Variants in AGAP1 observed in about 807,000 individuals in gnomAD.
AGAP1 encodes the protein arf-GAP with GTPase, ANK repeat and PH domain-containing protein 1.
In AGAP1, 29 loss-of-function variants were observed where a neutral mutation model predicts 105.3. The ratio of observed to expected loss-of-function variants is 0.28; its 90% CI spans 0.21 to 0.38. The LOEUF (loss-of-function observed/expected upper bound fraction) is 0.38. Among genes scored for constraint, AGAP1 ranks in the 10% least tolerant of loss-of-function variants. The pLI, the probability that AGAP1 is intolerant of heterozygous loss-of-function variation, is 1.00. For synonymous variants in AGAP1, 509 were observed against 485.9 expected (o/e 1.05, Z -0.63); for missense variants, 998 against 1,165.1 (o/e 0.86, Z 2.09).
At chr2:235,678,861 T>TGCCA (rs1346131676) in intron 1 of AGAP1, among the ~76,000 whole-genome samples, 1 of 152,106 alleles carries the variant, frequency 6.6e-6, no homozygotes, top group East Asian at 1.9e-4. Context: ...CTCTCCTGCC[T>TGCCA]GCCAGCCCCA....
At chr2:235,698,128 A>G (rs1950081375) in intron 1 of AGAP1, among the ~76,000 whole-genome samples, 1 of 152,154 alleles carries the variant, frequency 6.6e-6, no homozygotes. Flanking sequence ...TAAAGAGCAC[A>G]CATCCTAGAT....
intron 1 of AGAP1, among the ~76,000 whole-genome samples, chr2:235,656,887 T>C (rs1947791540): frequency 6.6e-6 from 1 of 152,214 alleles, no homozygotes. Flanking sequence ...AGGAGAGGCA[T>C]CCTATTCGGT....
At chr2:235,869,323 G>A (rs1002117613) in intron 9 of AGAP1, among the ~76,000 whole-genome samples, 1 of 145,966 alleles carries the variant, frequency 6.9e-6, no homozygotes, top group Non-Finnish European at 1.5e-5. Flanking sequence ...GGTGGCTCAC[G>A]CCTGTAATCC....
intron 1 of AGAP1, among the ~76,000 whole-genome samples, chr2:235,656,910 G>A (rs1446857511): frequency 6.6e-6 from 1 of 152,136 alleles, no homozygotes; most frequent in Non-Finnish European, 1.5e-5. Flanking sequence ...TGCACTAGGG[G>A]TCCCCACTGA....
At chr2:235,683,202 G>A (rs539054485) in intron 1 of AGAP1, among the ~76,000 whole-genome samples, 7,611 of 152,030 alleles carry the variant, frequency 0.05, 573 homozygotes, top group African/African-American at 0.17. Context: ...AGCTACTGGG[G>A]GGCTGAGGCA....
At chr2:235,685,519 C>T (rs1431110899) in intron 1 of AGAP1, among the ~76,000 whole-genome samples, 1 of 151,476 alleles carries the variant, frequency 6.6e-6, no homozygotes, top group Non-Finnish European at 1.5e-5. Context: ...TCCCCTGGGA[C>T]CTGACCAGTA....
chr2:235,609,456 A>C lies in AGAP1; in HGVS notation c.164-99723A>C, dbSNP rs545167540. 5.3e-5 allele frequency among the ~76,000 whole-genome samples: 8 copies of C among 152,236 alleles called. No individual in the cohort carries two copies. The South Asian group carries it at 1.7e-3, about 32-fold the overall frequency. On this transcript the variant is annotated intron_variant, in intron 1 of 17. Coordinates refer to ENST00000304032, the MANE Select transcript of AGAP1 (RefSeq NM_001037131.3). The surrounding 1 kb of genome is among the most constrained non-coding windows in gnomAD (Gnocchi z 5.1). ...CGATCATTCGAGATTCCAAGAGGTA[A>C]GAACTGGGGGCTGGGCTGTGGAAGA...
In AGAP1 at chr2:235,569,314, C is replaced by T. The variant is rs1944444894; in HGVS notation, c.163+74465C>T. Among the ~76,000 whole-genome samples the T allele has an allele frequency of 6.6e-6, 1 of 151,612 alleles. No individual in the cohort carries two copies. Among genetic ancestry groups the T allele is most frequent in the Admixed American group, 6.6e-5 (1 of 15,226 alleles). On this transcript the variant is annotated intron_variant, in intron 1 of 17. Transcript: ENST00000304032. This position sits in a 1 kb window ranked among gnomAD's most constrained non-coding sequence, Gnocchi z 5.9. Reference sequence around the variant, plus strand: ...TGGGCGACAGAGCGAGACACCATCTCAAAAAAAAGGATCTTGGAGGAAGTA... The same window carrying T: ...TGGGCGACAGAGCGAGACACCATCTTAAAAAAAAGGATCTTGGAGGAAGTA...
In AGAP1 at chr2:235,959,720, G is replaced by A. The variant is rs1039032427; in HGVS notation, c.1484-8742G>A. On this transcript the variant is annotated intron_variant, in intron 12 of 17. Transcript: ENST00000304032. The surrounding 1 kb of genome is among the most constrained non-coding windows in gnomAD (Gnocchi z 7.3). ...TGATGGCCACTCCCTCGTGTAGCCG[G>A]TTCCCCTGCTGCTGCAGCCGGGCCC... Among the ~76,000 whole-genome samples the A allele has an allele frequency of 6.6e-5, 10 of 152,226 alleles. No individual in the cohort carries two copies. Among genetic ancestry groups the A allele is most frequent in the African/African-American group, 2.2e-4 (9 of 41,534 alleles).
In AGAP1 at chr2:235,967,652, G is replaced by C. The variant is rs144537116; in HGVS notation, c.1484-810G>C. On this transcript the variant is annotated intron_variant, in intron 12 of 17. Transcript: ENST00000304032. The surrounding 1 kb of genome is among the most constrained non-coding windows in gnomAD (Gnocchi z 4.7). Reference sequence around the variant, plus strand: ...TCGTGAAATAAAAACTTTTCAAGACGCCGTAGGCATGCACCACCTGTTTTT... The same window carrying C: ...TCGTGAAATAAAAACTTTTCAAGACCCCGTAGGCATGCACCACCTGTTTTT... 2.0e-5 allele frequency among the ~76,000 whole-genome samples: 3 copies of C among 152,200 alleles called. No homozygotes were observed. Among genetic ancestry groups the C allele is most frequent in the Admixed American group, 2.0e-4 (3 of 15,270 alleles).
chr2:235,632,935 G>T (rs543137196), intron 1 of AGAP1, among the ~76,000 whole-genome samples: 2 of 152,220 alleles, frequency 1.3e-5, no homozygotes, highest in South Asian at 4.2e-4. Context: ...AAAGGAAGAC[G>T]ACCTCTTGCA....
intron 6 of AGAP1, among the ~76,000 whole-genome samples, chr2:235,774,940 A>C (rs1356223): frequency 6.6e-6 from 1 of 152,000 alleles, no homozygotes; most frequent in Non-Finnish European, 1.5e-5. Context: ...TCTGGTGCCA[A>C]AATGTCAGTT....
At chr2:235,687,645 G>A (rs192097339) in intron 1 of AGAP1, among the ~76,000 whole-genome samples, 2 of 152,248 alleles carry the variant, frequency 1.3e-5, no homozygotes, top group Admixed American at 1.3e-4. Context: ...GACCTGATGA[G>A]TTTTCATTTT....
intron 1 of AGAP1, among the ~76,000 whole-genome samples, chr2:235,677,210 CATCTTTT>C (rs1170683852): frequency 1.3e-5 from 2 of 152,012 alleles, no homozygotes; most frequent in Non-Finnish European, 2.9e-5. Context: ...GTTTTCTTAC[CATCTTTT>C]ATTGTGTTCA....
chr2:236,036,722 C>T lies in AGAP1; in HGVS notation c.1800+7C>T, dbSNP rs1403931655. The stretch of plus-strand genomic sequence containing the variant: ...CGAGAGCAGCAAGAACAAGGTGAGG[C>T]CCCTGGCTGCCCAAAACCAAGGCTG... On this transcript the variant is annotated splice_region_variant and intron_variant, in intron 14 of 17. Transcript: ENST00000304032. This position sits in a 1 kb window ranked among gnomAD's most constrained non-coding sequence, Gnocchi z 5.7. 2 of 1,613,890 alleles carry T rather than the reference C, an allele frequency of 1.2e-6. No individual in the cohort carries two copies. Among genetic ancestry groups the T allele is most frequent in the Non-Finnish European group, 1.7e-6 (2 of 1,179,986 alleles).
In AGAP1 at chr2:235,705,987, G is replaced by A. The variant is rs978082506; in HGVS notation, c.164-3192G>A. 2.6e-5 allele frequency among the ~76,000 whole-genome samples: 4 copies of A among 152,084 alleles called. No individual in the cohort carries two copies. The highest frequency in any genetic ancestry group is 6.5e-5 in the Admixed American group (1 of 15,278). ...TTTTAATTCACAGTTTACCCTCTTT[G>A]TTTTACTATTAAAGTTCATTTTTAA... is the stretch of plus-strand genomic sequence containing the variant. On this transcript the variant is annotated intron_variant, in intron 1 of 17. Coordinates refer to ENST00000304032, the MANE Select transcript of AGAP1 (RefSeq NM_001037131.3). The surrounding 1 kb of genome is among the most constrained non-coding windows in gnomAD (Gnocchi z 4.9).
intron 9 of AGAP1, among the ~76,000 whole-genome samples, chr2:235,811,237 A>G (rs1437319759): frequency 6.6e-6 from 1 of 152,214 alleles, no homozygotes; most frequent in Non-Finnish European, 1.5e-5. Flanking sequence ...CCCTTCGCAG[A>G]GCCCCGGCCA....
intron 16 of AGAP1, among the ~76,000 whole-genome samples, chr2:236,071,887 G>A (rs1319191525): frequency 5.3e-5 from 8 of 152,152 alleles, no homozygotes; most frequent in African/African-American, 1.9e-4. Context: ...GGCACACAGA[G>A]TCGTAATTTT....
At chr2:235,897,890 C>T (rs1354352457) in intron 10 of AGAP1, among the ~76,000 whole-genome samples, 2 of 152,162 alleles carry the variant, frequency 1.3e-5, no homozygotes, top group African/African-American at 4.8e-5. Context: ...AGGGGCAGGG[C>T]TGGAGAGGCC....
Sources: gnomAD v4.1 joint callset for allele counts (sites outside exome capture counted in the v4.1 genomes callset) on GRCh38, gnomAD v4.1.1 for gene constraint, Gnocchi (gnomAD v3.1) non-coding constraint, MANE v1.5 for transcripts, NCBI Gene and HGNC (gene_info 2026-07-23, HGNC 2026-07-21) for gene names.